The following CXorf65 variants were observed in gnomAD, a reference collection of about 807,000 sequenced individuals.
The protein encoded by CXorf65 is uncharacterized protein CXorf65.
For synonymous variants in CXorf65, 54 were observed against 51.4 expected, an observed-to-expected ratio of 1.05 and a Z score of -0.21; for missense variants, 137 against 144.7, an observed-to-expected ratio of 0.95 and a Z score of 0.27.
At position 71,106,362 on chromosome X, in the gene CXorf65, A is replaced by T; in HGVS notation, c.90T>A (p.Ser30Arg). The part of the protein sequence containing the change: ...AVVVLLYYIR[S>R]KVKLPKTNTI... The stretch of plus-strand genomic sequence containing the variant: ...CACTTGTTTTAGGCAACTTTACTTT[A>T]CTGCGGATGTAATACAGCAACACGA... Residue 30 changes from serine (S) to arginine (R), a missense_variant, in exon 2 of 6, where the codon AGT (serine) becomes AGA (arginine). By Grantham distance (110) the Ser-to-Arg change is moderately radical. Transcript: ENST00000374251. The T allele has an allele frequency of 8.3e-7, 1 of 1,209,627 alleles. No individual in the cohort carries two copies. Among genetic ancestry groups the T allele is most frequent in the Non-Finnish European group, 1.1e-6 (1 of 893,804 alleles).
At chrX:71,106,191 A>T (rs1280376018) in intron 2 of CXorf65, 54 bp from the exon 3 acceptor site, 40 of 1,167,296 alleles carry the variant, frequency 3.4e-5, no homozygotes, top group Non-Finnish European at 4.7e-5. Context: ...AGTGGGAGCA[A>T]AAGGGGCCAG....
rs1178860285 is a variant in CXorf65 at position 71,106,713 on chromosome X, C to T, written c.-157G>A. Reference sequence around the variant, plus strand: ...GCTGAGGATGCCCAGGCTGGACAGGCAGGAGAGAGCTGTTGATAGTTGTGG... The same window carrying T: ...GCTGAGGATGCCCAGGCTGGACAGGTAGGAGAGAGCTGTTGATAGTTGTGG... On this transcript the variant is annotated 5_prime_UTR_variant, in exon 1 of 6. Transcript: ENST00000374251. 2 of 1,137,654 alleles carry T rather than the reference C, an allele frequency of 1.8e-6. No individual in the cohort carries two copies. The highest frequency in any genetic ancestry group is 2.3e-6 in the Non-Finnish European group (2 of 861,535). The allele number at this position is 1,137,654 out of a possible 1,213,427, so 93.8% of individuals were successfully genotyped here. A position where few individuals can be genotyped will look rare whatever the true frequency, so the allele number is the denominator to read the frequency against.
chrX:71,106,363 C>T lies in CXorf65; in HGVS notation c.89G>A (p.Ser30Asn). 1 of 1,210,054 alleles carries T rather than the reference C, an allele frequency of 8.3e-7. No homozygotes were observed. The highest frequency in any genetic ancestry group is 1.1e-6 in the Non-Finnish European group (1 of 894,074). Residue 30 changes from serine to asparagine, a missense_variant, in exon 2 of 6, where the codon AGT becomes AAT. By Grantham distance (46) the Ser-to-Asn change is conservative. Coordinates refer to ENST00000374251, the MANE Select transcript of CXorf65 (RefSeq NM_001025265.3). ...ACTTGTTTTAGGCAACTTTACTTTA[C>T]TGCGGATGTAATACAGCAACACGAC... ...AVVVLLYYIR[S>N]KVKLPKTNTI...
chrX:71,104,266 T>C, intron 5 of CXorf65, 32 bp downstream of exon 5: 1 of 1,124,463 alleles, frequency 8.9e-7, no homozygotes, highest in African/African-American at 1.8e-5. Context: ...GAGAGGGGGG[T>C]GCTGGGGCAG....
At chrX:71,104,644 G>C in intron 4 of CXorf65, 125 bp downstream of exon 4, 1 of 700,551 alleles carries the variant, frequency 1.4e-6, no homozygotes. Flanking sequence ...CCTGGACCCT[G>C]CCCGCCTTTT....
At position 71,106,393 on chromosome X, in the gene CXorf65, G is replaced by A; in HGVS notation, c.59C>T (p.Ala20Val). Residue 20 changes from alanine to valine, a missense_variant, in exon 2 of 6, where the codon GCT becomes GTT. Coordinates refer to ENST00000374251, the MANE Select transcript of CXorf65 (RefSeq NM_001025265.3). ...NQQFLVNTNC[A>V]VVVLLYYIRS... is the part of the protein sequence containing the mutation. Reference sequence around the variant, plus strand: ...GATGTAATACAGCAACACGACGACAGCACAGTTGGTATTGACCAGAAACTG... The same window carrying A: ...GATGTAATACAGCAACACGACGACAACACAGTTGGTATTGACCAGAAACTG... The A allele has an allele frequency of 8.3e-7, 1 of 1,210,497 alleles. No individual in the cohort carries two copies. The highest frequency in any genetic ancestry group is 1.1e-6 in the Non-Finnish European group (1 of 894,446).
In CXorf65 at chrX:71,104,763, T is replaced by G. The variant is rs1305253875; in HGVS notation, c.319+6A>C. 1 of 1,206,374 alleles carries G rather than the reference T, an allele frequency of 8.3e-7. No individual in the cohort carries two copies. Among genetic ancestry groups the G allele is most frequent in the Non-Finnish European group, 1.1e-6 (1 of 891,149 alleles). ...ATGTTCTTCCCTCCCCCATCTCACTTCTTACCAAGCAGCCAAGGCTCCGGA... is the reference window on the plus strand; with the variant it reads ...ATGTTCTTCCCTCCCCCATCTCACTGCTTACCAAGCAGCCAAGGCTCCGGA... On this transcript the variant is annotated splice_donor_region_variant and intron_variant, in intron 4 of 5. Coordinates refer to ENST00000374251, the MANE Select transcript of CXorf65 (RefSeq NM_001025265.3).
In CXorf65 at chrX:71,106,599, T is replaced by A. The variant is rs765821861; in HGVS notation, c.-43A>T. 1 of 1,208,943 alleles carries A rather than the reference T, an allele frequency of 8.3e-7. No homozygotes were observed. Among genetic ancestry groups the A allele is most frequent in the South Asian group, 1.8e-5 (1 of 56,841 alleles). ...ACTCTTCACAAAGTGCCCTGATGAG[T>A]CATGCAGAAGGAGGGTGTTCTAGAG... On this transcript the variant is annotated 5_prime_UTR_variant, in exon 1 of 6. Transcript: ENST00000374251.
chrX:71,106,503 A>G, intron 1 of CXorf65, 29 bp downstream of exon 1: 1 of 1,208,837 alleles, frequency 8.3e-7, no homozygotes. Flanking sequence ...ACCCCCATCC[A>G]CAGACTCTAG....
At chrX:71,104,881 T>C in intron 3 of CXorf65, 44 bp from the exon 4 acceptor site, 1 of 1,122,495 alleles carries the variant, frequency 8.9e-7, no homozygotes. Flanking sequence ...TGTCATCCAG[T>C]CTCCACCCTT....
chrX:71,104,463 T>C, intron 4 of CXorf65, 59 bp from the exon 5 acceptor site: 3 of 793,926 alleles, frequency 3.8e-6, no homozygotes, highest in Non-Finnish European at 5.4e-6. Context: ...CCCTTCCTGA[T>C]GCTCCCATTC....
In CXorf65 at chrX:71,104,320, A is replaced by G. The variant is rs1187359595; in HGVS notation, c.404T>C (p.Ile135Thr). ...TACCGGGACACTCGCAGGGGGTTCA[A>G]TTATAACGACCTTCTTGGCTTCTTT... ...KMKEAKKVVI[I>T]EPPASVPSKQ... The change falls in exon 5 of 6, where the codon ATT (isoleucine) becomes ACT (threonine). Residue 135 changes from isoleucine to threonine, a missense_variant. By Grantham distance (89) the Ile-to-Thr change is moderately conservative (BLOSUM62 -1). Coordinates refer to ENST00000374251, the MANE Select transcript of CXorf65 (RefSeq NM_001025265.3). 5.0e-6 allele frequency: 6 copies of G among 1,207,975 alleles called. No individual in the cohort carries two copies. Among genetic ancestry groups the G allele is most frequent in the Middle Eastern group, 2.3e-4 (1 of 4,345 alleles).
intron 4 of CXorf65, 125 bp downstream of exon 4, chrX:71,104,644 G>T: frequency 1.4e-6 from 1 of 700,544 alleles, no homozygotes; most frequent in Non-Finnish European, 2.2e-6. Flanking sequence ...CCTGGACCCT[G>T]CCCGCCTTTT....
chrX:71,105,984 A>G lies in CXorf65; in HGVS notation c.250+16T>C. On this transcript the variant is annotated intron_variant, in intron 3 of 5. Transcript: ENST00000374251. ...AGGCCTTATTCTATTTCTGGGGAAC[A>G]CTCCTGAGCCTCTACCTGGTGGCCC... The G allele has an allele frequency of 2.5e-6, 3 of 1,201,389 alleles. No homozygotes were observed. Among genetic ancestry groups the G allele is most frequent in the Non-Finnish European group, 3.4e-6 (3 of 890,389 alleles).
At chrX:71,104,617 G>T in intron 4 of CXorf65, 152 bp downstream of exon 4, 1 of 552,244 alleles carries the variant, frequency 1.8e-6, no homozygotes, top group Non-Finnish European at 2.9e-6. Context: ...TGAGCTAAAC[G>T]TCCCTCCTAA....
rs2092239122 is a variant in CXorf65 at position 71,104,010 on chromosome X, T to C, written c.529A>G (p.Lys177Glu). 1 of 1,209,939 alleles carries C rather than the reference T, an allele frequency of 8.3e-7. No homozygotes were observed. Among genetic ancestry groups the C allele is most frequent in the Middle Eastern group, 2.3e-4 (1 of 4,339 alleles). Residue 177 changes from lysine (K) to glutamate (E), a missense_variant, in exon 6 of 6, where the codon AAA becomes GAA. By Grantham distance (56) the Lys-to-Glu change is moderately conservative (BLOSUM62 1). Coordinates refer to ENST00000374251, the MANE Select transcript of CXorf65 (RefSeq NM_001025265.3). ...TATTACTTCTTTTGCTTGGTGGTTT[T>C]ATTGAGTTGGCGACCTTTATTCTTC... ...FRKNKGRQLN[K>E]TTKQKK
Position 71,104,101 on chromosome X carries a change from T to C in CXorf65, c.438A>G (p.Ser146=), listed in dbSNP as rs1569479338. ...EPPASVPSKQ[S]GRSDKKKSTR... is the part of the protein sequence containing the mutation. The stretch of plus-strand genomic sequence containing the variant: ...TGGACTTCTTTTTGTCTGATCGTCC[T>C]GATTGCTTGGACTAGAAAAAGAAAG... Residue 146 remains serine, a synonymous_variant, in exon 6 of 6, where the codon TCA becomes TCG. Transcript: ENST00000374251. 8.3e-7 allele frequency: 1 copy of C among 1,210,426 alleles called. No homozygotes were observed. Among genetic ancestry groups the C allele is most frequent in the African/African-American group, 1.7e-5 (1 of 57,542 alleles).
At chrX:71,104,450 T>C in intron 4 of CXorf65, 46 bp from the exon 5 acceptor site, 1 of 878,529 alleles carries the variant, frequency 1.1e-6, no homozygotes, top group Non-Finnish European at 1.6e-6. Context: ...ACTAGAGACC[T>C]TACCCTTCCT....
chrX:71,105,031 C>T (rs749946481), intron 3 of CXorf65, among the ~76,000 whole-genome samples, 194 bp from the exon 4 acceptor site: 1 of 108,026 alleles, frequency 9.3e-6, no homozygotes, highest in Non-Finnish European at 1.9e-5. Context: ...CTGGCCAATT[C>T]GAGACTAGCC....
Sources: gnomAD v4.1 joint callset for allele counts (sites outside exome capture counted in the v4.1 genomes callset) on GRCh38, gnomAD v4.1.1 for gene constraint, MANE v1.5 for transcripts, NCBI Gene and HGNC (gene_info 2026-07-23, HGNC 2026-07-21) for gene names.